Variants in SIM1 observed in about 807,000 individuals in gnomAD.
The protein encoded by SIM1 is SIM bHLH transcription factor 1, also known as single-minded homolog 1.
In SIM1, 18 loss-of-function variants were observed where a neutral mutation model predicts 78.2. The ratio of observed to expected loss-of-function variants is 0.23; its 90% CI spans 0.16 to 0.34. The LOEUF is 0.34. SIM1 is among the 10% of genes least tolerant of loss of function. SIM1 has a pLI of 1.00. For missense variants in SIM1, 939 were observed against 975.1 expected (o/e 0.96, Z 0.49); for synonymous variants, 417 against 385.2 (o/e 1.08, Z -0.97).
Position 100,448,270 on chromosome 6 carries a change from T to C in SIM1, c.744-18A>G. On this transcript the variant is annotated intron_variant, in intron 7 of 11. Coordinates refer to ENST00000369208, the MANE Select transcript of SIM1 (RefSeq NM_005068.3). ...CCGCCACCCTGAGGAGAGCAATCCC[T>C]GCAGGATGAATGCAGGCGCGGGTGC... 1 of 1,599,280 alleles carries C rather than the reference T, an allele frequency of 6.3e-7. No homozygotes were observed. Among genetic ancestry groups the C allele is most frequent in the South Asian group, 1.1e-5 (1 of 89,966 alleles).
chr6:100,463,536 T>A lies in SIM1; in HGVS notation c.-68A>T. 7.0e-7 allele frequency: 1 copy of A among 1,432,780 alleles called. No homozygotes were observed. Among genetic ancestry groups the A allele is most frequent in the Non-Finnish European group, 9.5e-7 (1 of 1,051,450 alleles). The allele number at this position is 1,432,780 out of a possible 1,614,324, so 88.8% of individuals were successfully genotyped here. ...GATTCATCCAAAACCAAAAATAAAC[T>A]TTCAATTAGAGATCATATTTGGCAA... On this transcript the variant is annotated 5_prime_UTR_variant, in exon 2 of 12. It adds an upstream start codon to the 5' untranslated region. Transcript: ENST00000369208.
At chr6:100,444,297 T>C (rs975353506) in intron 9 of SIM1, among the ~76,000 whole-genome samples, 1 of 152,168 alleles carries the variant, frequency 6.6e-6, no homozygotes, top group African/African-American at 2.4e-5. Flanking sequence ...TCACCTACCC[T>C]CTTGAAAATA....
At chr6:100,424,932 T>G (rs1207914661) in intron 9 of SIM1, among the ~76,000 whole-genome samples, 1 of 152,178 alleles carries the variant, frequency 6.6e-6, no homozygotes, top group African/African-American at 2.4e-5. Flanking sequence ...ATAAAAACCT[T>G]TTGCTGTATT....
At chr6:100,422,137 T>A (rs1469590733) in intron 9 of SIM1, among the ~76,000 whole-genome samples, 1 of 152,238 alleles carries the variant, frequency 6.6e-6, no homozygotes. Context: ...GATTCTCTAA[T>A]GGGTTTGCCT....
intron 2 of SIM1, among the ~76,000 whole-genome samples, chr6:100,456,953 CG>C (rs1182409356): frequency 6.6e-6 from 1 of 152,138 alleles, no homozygotes; most frequent in Non-Finnish European, 1.5e-5. Flanking sequence ...CCAAATGAGG[CG>C]AAGTAGATCC....
intron 2 of SIM1, among the ~76,000 whole-genome samples, chr6:100,461,258 G>A (rs1441599738): frequency 6.6e-6 from 1 of 152,226 alleles, no homozygotes; most frequent in Non-Finnish European, 1.5e-5. Context: ...GACTTATAAT[G>A]TGTAGAGTTA....
intron 3 of SIM1, among the ~76,000 whole-genome samples, chr6:100,452,669 T>A (rs1772543273): frequency 6.6e-6 from 1 of 152,214 alleles, no homozygotes; most frequent in Non-Finnish European, 1.5e-5. Flanking sequence ...TGTTTTCTTG[T>A]TTATGTTTCT....
At chr6:100,442,844 T>G (rs1387747205) in intron 9 of SIM1, among the ~76,000 whole-genome samples, 2 of 152,100 alleles carry the variant, frequency 1.3e-5, no homozygotes, top group African/African-American at 2.4e-5. Flanking sequence ...ACAAATAATG[T>G]ACCTAAAAGA....
chr6:100,458,584 C>A (rs1197985994), intron 2 of SIM1, among the ~76,000 whole-genome samples: 1 of 152,174 alleles, frequency 6.6e-6, no homozygotes, highest in Non-Finnish European at 1.5e-5. Context: ...GCTCCTGGGC[C>A]GGCCTGGGGA....
Position 100,385,498 on chromosome 6 carries a change from A to T in SIM1, c.*4863T>A, listed in dbSNP as rs539810010. The T allele has an allele frequency of 6.6e-6, 1 of 152,116 alleles. No individual in the cohort carries two copies. Among genetic ancestry groups the T allele is most frequent in the African/African-American group, 2.4e-5 (1 of 41,524 alleles). 9.4% of individuals were successfully genotyped at this position (152,116 alleles called of 1,614,324 possible). On this transcript the variant is annotated 3_prime_UTR_variant, in exon 12 of 12. Transcript: ENST00000369208. The stretch of plus-strand genomic sequence containing the variant: ...ATCAGGGTTACCGGGTGTAAGTTTA[A>T]CAGTGATTACATGTGTCCCAGGTCA...
At chr6:100,392,008 A>C (rs1770654273) in intron 11 of SIM1, among the ~76,000 whole-genome samples, 1 of 152,116 alleles carries the variant, frequency 6.6e-6, no homozygotes, top group Non-Finnish European at 1.5e-5. Context: ...CCCCGTCTCT[A>C]CTAAAAAATA....
chr6:100,457,810 G>C (rs1016010483), intron 2 of SIM1, among the ~76,000 whole-genome samples: 1 of 152,172 alleles, frequency 6.6e-6, no homozygotes, highest in South Asian at 2.1e-4. Flanking sequence ...GAGGGCATCG[G>C]CGAGCGCGCC....
chr6:100,390,858 G>C lies in SIM1; in HGVS notation c.1804C>G (p.His602Asp). The stretch of plus-strand genomic sequence containing the variant: ...TGGTAGTTTGCAAAACACAGGGAGT[G>C]TTTTTTCCCAGCCCCATTAATGGAA... ...LASINGAGKK[H>D]SLCFANYQQP... The change falls in exon 12 of 12, where the codon CAC becomes GAC. Residue 602 changes from histidine (H) to aspartate (D), a missense_variant. His to Asp is a moderately conservative substitution (Grantham distance 81, BLOSUM62 -1). Coordinates refer to ENST00000369208, the MANE Select transcript of SIM1 (RefSeq NM_005068.3). 6.2e-7 allele frequency: 1 copy of C among 1,614,120 alleles called. No homozygotes were observed. Among genetic ancestry groups the C allele is most frequent in the Non-Finnish European group, 8.5e-7 (1 of 1,180,012 alleles).
chr6:100,393,685 C>T lies in SIM1; in HGVS notation c.1372G>A (p.Glu458Lys), dbSNP rs375389902. Residue 458 changes from glutamate to lysine, a missense_variant, in exon 11 of 12, where the codon GAA (glutamate) becomes AAA (lysine). Glu to Lys is a moderately conservative substitution (Grantham distance 56). Coordinates refer to ENST00000369208, the MANE Select transcript of SIM1 (RefSeq NM_005068.3). Reference sequence around the variant, plus strand: ...GCCTGGGTATGGAAATGCCTCTCTTCCACCAGCCTCGAGTGGTCAAGCGCA... The same window carrying T: ...GCCTGGGTATGGAAATGCCTCTCTTTCACCAGCCTCGAGTGGTCAAGCGCA... ...GFALDHSRLV[E>K]ERHFHTQACE... 17 of 1,613,916 alleles carry T rather than the reference C, an allele frequency of 1.1e-5. No individual in the cohort carries two copies. The highest frequency in any genetic ancestry group is 1.4e-5 in the Non-Finnish European group (17 of 1,179,904).
At chr6:100,431,485 T>G (rs1459472807) in intron 9 of SIM1, among the ~76,000 whole-genome samples, 5 of 152,236 alleles carry the variant, frequency 3.3e-5, no homozygotes, top group Non-Finnish European at 7.3e-5. Flanking sequence ...TCAACAAATG[T>G]CCTACCATTA....
Position 100,390,367 on chromosome 6 carries a change from T to C in SIM1, c.2295A>G (p.Gly765=), listed in dbSNP as rs777790524. ...HKGTSVIITN[G]S ...AAAATATTTCAGCAAAACATCAGCT[T>C]CCGTTGGTTATTATAACAGATGTTC... is the stretch of plus-strand genomic sequence containing the variant. Residue 765 remains glycine (G), a synonymous_variant, in exon 12 of 12, where the codon GGA becomes GGG. Coordinates refer to ENST00000369208, the MANE Select transcript of SIM1 (RefSeq NM_005068.3). The C allele has an allele frequency of 6.2e-7, 1 of 1,611,046 alleles. No individual in the cohort carries two copies. Among genetic ancestry groups the C allele is most frequent in the Admixed American group, 1.7e-5 (1 of 59,698 alleles).
rs1772911555 is a variant in SIM1 at position 100,463,641 on chromosome 6, G to A, written c.-173C>T. The A allele has an allele frequency of 8.7e-6, 5 of 574,640 alleles. No individual in the cohort carries two copies. The highest frequency in any genetic ancestry group is 1.2e-5 in the Non-Finnish European group (4 of 329,480). The allele number at this position is 574,640 out of a possible 1,614,324, so 35.6% of individuals were successfully genotyped here. A position where few individuals can be genotyped will look rare whatever the true frequency, so the allele number is the denominator to read the frequency against. ...GTATTGATGGCAGTAAAAGACCAGC[G>A]GGGGTGAACGGAAAATATGTTCTTT... On this transcript the variant is annotated 5_prime_UTR_variant, in exon 2 of 12. Transcript: ENST00000369208.
At chr6:100,418,197 T>G (rs997257198) in intron 10 of SIM1, among the ~76,000 whole-genome samples, 7 of 151,580 alleles carry the variant, frequency 4.6e-5, no homozygotes, top group Non-Finnish European at 1.0e-4. Flanking sequence ...AAAAAAATTT[T>G]AAAAATTAAT....
chr6:100,453,134 G>A lies in SIM1; in HGVS notation c.258+628C>T, dbSNP rs56307534. ...TAGGCAAAGAGCAAGTTAAAACTGTGAGCACTACAAACCACAAGGTAATGG... is the reference window on the plus strand; with the variant it reads ...TAGGCAAAGAGCAAGTTAAAACTGTAAGCACTACAAACCACAAGGTAATGG... On this transcript the variant is annotated intron_variant, in intron 3 of 11. Coordinates refer to ENST00000369208, the MANE Select transcript of SIM1 (RefSeq NM_005068.3). 5.3e-3 allele frequency among the ~76,000 whole-genome samples: 805 copies of A among 152,282 alleles called. 3 individuals are homozygous for A. The highest frequency in any genetic ancestry group is 9.0e-3 in the Non-Finnish European group (612 of 68,018).
Sources: allele counts gnomAD v4.1 joint callset (sites outside exome capture counted in the v4.1 genomes callset), GRCh38; gene constraint gnomAD v4.1.1; transcripts MANE v1.5; gene names NCBI Gene and HGNC (gene_info 2026-07-23, HGNC 2026-07-21).